Variants in HGD observed in about 807,000 individuals in gnomAD.
The protein encoded by HGD is homogentisate 1,2-dioxygenase.
A neutral mutation model predicts 60.8 loss-of-function variants in HGD; 61 were observed. The observed-to-expected ratio is 1.00, with a 90% confidence interval of 0.82 to 1.24. The LOEUF is 1.24. HGD is among the 50% of genes most tolerant of loss of function. HGD has a pLI of 0.00. For synonymous variants in HGD, 212 were observed against 187.7 expected (o/e 1.13, Z -1.06); for missense variants, 542 against 547.1 (o/e 0.99, Z 0.09).
chr3:120,633,573 A>G, intron 12 of HGD: 2 of 1,445,656 alleles, frequency 1.4e-6, no homozygotes, highest in Non-Finnish European at 1.8e-6. Context: ...CCACTCTCTG[A>G]CAGGAATCAG....
In HGD at chr3:120,652,598, A is replaced by G; in HGVS notation, c.336T>C (p.Phe112=). 1 of 1,612,550 alleles carries G rather than the reference A, an allele frequency of 6.2e-7. No individual in the cohort carries two copies. The highest frequency in any genetic ancestry group is 8.5e-7 in the Non-Finnish European group (1 of 1,178,624). Residue 112 remains phenylalanine (F), a synonymous_variant, in exon 5 of 14, where the codon TTT becomes TTC. Coordinates refer to ENST00000283871, the MANE Select transcript of HGD (RefSeq NM_000187.4). ...GTGGATGGGACTGACTTACACTCAC[A>G]AAGTCTACTTTCTTCTGAGATGCTT... ...IPKASQKKVD[F]VSGLHTLCGA...
At chr3:120,630,823 T>TAC (rs1250427599) in intron 13 of HGD, among the ~76,000 whole-genome samples, 22 of 70,456 alleles carry the variant, frequency 3.1e-4, no homozygotes, top group African/African-American at 5.7e-4. Context: ...TATATATATA[T>TAC]ATACACATAC....
chr3:120,640,309 T>G (rs1940929469), intron 11 of HGD, among the ~76,000 whole-genome samples: 1 of 151,460 alleles, frequency 6.6e-6, no homozygotes, highest in African/African-American at 2.4e-5. Context: ...TTTTAATCAC[T>G]GAAAACACAT....
chr3:120,678,588 A>T (rs1370778582), intron 1 of HGD, among the ~76,000 whole-genome samples: 1 of 152,246 alleles, frequency 6.6e-6, no homozygotes, highest in Non-Finnish European at 1.5e-5. Context: ...GCTTTAAAAA[A>T]TAGGAAAGAA....
At position 120,674,952 on chromosome 3, in the gene HGD, T is replaced by G. The variant is rs373921680; in HGVS notation, c.125A>C (p.Glu42Ala). The part of the protein sequence containing the change: ...PQVCPYNLYA[E>A]QLSGSAFTCP... ...AGTGAAAGCCGATCCTGAGAGCTGC[T>G]CAGCATAGAGATTGTAGGGGCAGAC... Residue 42 changes from glutamate to alanine, a missense_variant, in exon 3 of 14, where the codon GAG (glutamate) becomes GCG (alanine). Around this residue, in one of 2 missense-constraint regions of HGD, gnomAD observed 537 missense variants for 529.1 expected, o/e 1.01. Coordinates refer to ENST00000283871, the MANE Select transcript of HGD (RefSeq NM_000187.4). 1.6e-4 allele frequency: 265 copies of G among 1,612,010 alleles called. No individual in the cohort carries two copies. Among genetic ancestry groups the G allele is most frequent in the Non-Finnish European group, 2.2e-4 (262 of 1,178,478 alleles).
intron 4 of HGD, among the ~76,000 whole-genome samples, chr3:120,657,165 T>A (rs1337407389): frequency 6.6e-6 from 1 of 152,236 alleles, no homozygotes; most frequent in East Asian, 1.9e-4. Context: ...CTGTATTCTA[T>A]GAGTTCTATT....
chr3:120,663,076 A>G (rs1707816485), intron 4 of HGD, among the ~76,000 whole-genome samples: 3 of 152,178 alleles, frequency 2.0e-5, no homozygotes, highest in Admixed American at 2.0e-4. Flanking sequence ...GGAATCCAGA[A>G]CTGTTAGAAA....
intron 10 of HGD, among the ~76,000 whole-genome samples, chr3:120,642,500 T>C (rs751610256): frequency 1.8e-4 from 27 of 152,196 alleles, no homozygotes; most frequent in Non-Finnish European, 3.7e-4. Flanking sequence ...GGTGTGCTGG[T>C]AAATATTTCA....
At chr3:120,647,656 A>G (rs1941206831) in intron 7 of HGD, among the ~76,000 whole-genome samples, 1 of 152,160 alleles carries the variant, frequency 6.6e-6, no homozygotes, top group African/African-American at 2.4e-5. Context: ...TCCAGAAGAG[A>G]TGGGCAAAGA....
At chr3:120,644,236 A>G in intron 10 of HGD, 83 bp downstream of exon 10, 1 of 1,532,234 alleles carries the variant, frequency 6.5e-7, no homozygotes, top group Non-Finnish European at 9.0e-7. Flanking sequence ...ATATATGTAA[A>G]GTTTGTAACA....
intron 13 of HGD, 103 bp from the exon 14 acceptor site, chr3:120,628,632 T>C (rs1409253147): frequency 7.5e-7 from 1 of 1,325,344 alleles, no homozygotes; most frequent in Non-Finnish European, 1.1e-6. Context: ...AATCTTCCAA[T>C]AACAAATCAA....
rs1940479661 is a variant in HGD, at chr3:120,628,218, T to C, written c.*162A>G. 1.3e-6 allele frequency: 1 copy of C among 749,308 alleles called. No individual in the cohort carries two copies. Among genetic ancestry groups the C allele is most frequent in the Middle Eastern group, 3.8e-4 (1 of 2,614 alleles). The allele number at this position is 749,308 out of a possible 1,614,324, so 46.4% of individuals were successfully genotyped here. On this transcript the variant is annotated 3_prime_UTR_variant, in exon 14 of 14. Transcript: ENST00000283871. ...TATTGAGTAATTAAGGTGACAGCCA[T>C]AGAACTTTGCAAATGCGTTTCCATA...
chr3:120,640,576 C>T (rs1422891139), intron 11 of HGD, among the ~76,000 whole-genome samples: 1 of 152,188 alleles, frequency 6.6e-6, no homozygotes, highest in African/African-American at 2.4e-5. Context: ...GAGAAGATCG[C>T]ATCTGTGTAA....
chr3:120,676,975 AT>A (rs1708143442), intron 1 of HGD, among the ~76,000 whole-genome samples: 1 of 152,130 alleles, frequency 6.6e-6, no homozygotes, highest in South Asian at 2.1e-4. Context: ...TACTTTTGTA[AT>A]TTCTTATGCC....
At chr3:120,660,453 T>C (rs1310811165) in intron 4 of HGD, among the ~76,000 whole-genome samples, 3 of 152,200 alleles carry the variant, frequency 2.0e-5, no homozygotes, top group African/African-American at 7.2e-5. Context: ...CAGGCTTTGG[T>C]TGATCCGTTG....
In HGD at chr3:120,666,515, T is replaced by C. The variant is rs563298353; in HGVS notation, c.282+3912A>G. ...TTATTATTTTGAGATGGAGTTTTGC[T>C]CTTGTTGCCCAGGCTGTAGTCCAAT... On this transcript the variant is annotated intron_variant, in intron 4 of 13. Coordinates refer to ENST00000283871, the MANE Select transcript of HGD (RefSeq NM_000187.4). Among the ~76,000 whole-genome samples, 47 of 152,206 alleles carry C rather than the reference T, an allele frequency of 3.1e-4. 2 individuals are homozygous for C. The Middle Eastern group carries it at 0.017, about 55-fold the overall frequency.
intron 11 of HGD, 58 bp from the exon 12 acceptor site, chr3:120,638,639 A>G (rs1940863132): frequency 6.2e-7 from 1 of 1,603,348 alleles, no homozygotes; most frequent in South Asian, 1.1e-5. Flanking sequence ...CTGGACAATG[A>G]CACACATTTC....
chr3:120,633,274 T>G lies in HGD; in HGVS notation c.1061A>C (p.Gln354Pro). 1.9e-6 allele frequency: 3 copies of G among 1,614,078 alleles called. No individual in the cohort carries two copies. Among genetic ancestry groups the G allele is most frequent in the Non-Finnish European group, 2.5e-6 (3 of 1,179,980 alleles). ...CCCTCCCCCTGGCAGGAACCCACCT[T>G]GCTTTGCCTCATAGTGACCTCGGAT... ...GLIRGHYEAK[Q>P]GGFLPGGGSL... The change falls in exon 13 of 14, where the codon CAA becomes CCA. Residue 354 changes from glutamine (Q) to proline (P), a missense_variant. By Grantham distance (76) the Gln-to-Pro change is moderately conservative. Coordinates refer to ENST00000283871, the MANE Select transcript of HGD (RefSeq NM_000187.4).
At chr3:120,663,089 A>G (rs1023334018) in intron 4 of HGD, among the ~76,000 whole-genome samples, 20 of 152,184 alleles carry the variant, frequency 1.3e-4, no homozygotes, top group African/African-American at 4.3e-4. Context: ...GTTAGAAAGT[A>G]AATCTCTTTT....
Sources: allele counts gnomAD v4.1 joint callset (sites outside exome capture counted in the v4.1 genomes callset), GRCh38; gene constraint gnomAD v4.1.1; regional missense constraint gnomAD v4.1.1; transcripts MANE v1.5; gene names NCBI Gene and HGNC (gene_info 2026-07-23, HGNC 2026-07-21).